The following SCNN1G variants were observed in gnomAD, a reference collection of about 807,000 sequenced individuals.
SCNN1G encodes the protein sodium channel epithelial 1 subunit gamma, also known as epithelial sodium channel subunit gamma.
Under a neutral mutation model 64.6 loss-of-function variants are expected in SCNN1G, and 27 were observed. That is an observed-to-expected ratio of 0.42 (90% CI 0.31 to 0.58). The LOEUF is 0.58. Among genes scored for constraint, SCNN1G ranks in the 20% least tolerant of loss-of-function variants. SCNN1G has a pLI of 0.18. For synonymous variants in SCNN1G, 330 were observed against 314.2 expected (o/e 1.05, Z -0.53); for missense variants, 743 against 823.4 (o/e 0.90, Z 1.19).
chr16:23,211,804 T>A (rs1162021148), intron 7 of SCNN1G, among the ~76,000 whole-genome samples: 2 of 152,164 alleles, frequency 1.3e-5, no homozygotes, highest in Non-Finnish European at 2.9e-5. Context: ...AGAGCAAGAC[T>A]GTCTCAAAAA....
At chr16:23,204,334 TAGAGAGAGAGAG>T (rs755322105) in intron 6 of SCNN1G, among the ~76,000 whole-genome samples, 1 of 15,176 alleles carries the variant, frequency 6.6e-5, no homozygotes, top group African/African-American at 2.8e-4. Context: ...TATATATATA[TAGAGAGAGAGAG>T]AGAGAGAGAG....
At chr16:23,193,532 C>T (rs1959746298) in intron 4 of SCNN1G, among the ~76,000 whole-genome samples, 1 of 152,098 alleles carries the variant, frequency 6.6e-6, no homozygotes, top group African/African-American at 2.4e-5. Flanking sequence ...ACCTGTAGTC[C>T]CAGCTACTCA....
At chr16:23,199,796 C>T (rs566634649) in intron 6 of SCNN1G, among the ~76,000 whole-genome samples, 41 of 150,918 alleles carry the variant, frequency 2.7e-4, no homozygotes, top group East Asian at 7.9e-4. Context: ...CTCAGCCTCC[C>T]GAGTAGCTGG....
chr16:23,197,554 C>T, intron 6 of SCNN1G, 127 bp downstream of exon 6: 2 of 851,492 alleles, frequency 2.3e-6, no homozygotes, highest in Non-Finnish European at 3.9e-6. Flanking sequence ...CCCAGATTTT[C>T]CCATGGTTAT....
chr16:23,192,889 C>T (rs1027111179), intron 4 of SCNN1G, among the ~76,000 whole-genome samples: 7 of 151,296 alleles, frequency 4.6e-5, no homozygotes, highest in East Asian at 2.0e-4. Context: ...GCTAACATAG[C>T]GAGACCCCGT....
At chr16:23,202,762 T>C (rs550702513) in intron 6 of SCNN1G, among the ~76,000 whole-genome samples, 2 of 152,216 alleles carry the variant, frequency 1.3e-5, no homozygotes, top group African/African-American at 4.8e-5. Context: ...CGGGGGAAGT[T>C]AGATTGATAT....
intron 6 of SCNN1G, among the ~76,000 whole-genome samples, chr16:23,206,069 C>A (rs1233131189): frequency 6.6e-6 from 1 of 152,200 alleles, no homozygotes; most frequent in Non-Finnish European, 1.5e-5. Context: ...CCTGGGAAAC[C>A]AGCCTGCTTA....
chr16:23,194,972 G>A (rs1959773196), intron 5 of SCNN1G: 2 of 152,604 alleles, frequency 1.3e-5, no homozygotes, highest in African/African-American at 2.4e-5. Context: ...CTCTCTTTGG[G>A]TTGCAGAAGG....
intron 4 of SCNN1G, among the ~76,000 whole-genome samples, chr16:23,192,897 C>T (rs552616810): frequency 4.0e-5 from 6 of 151,622 alleles, no homozygotes; most frequent in Admixed American, 6.6e-5. Context: ...AGCGAGACCC[C>T]GTCTCTACTA....
chr16:23,215,647 C>G lies in SCNN1G; in HGVS notation c.*178C>G. On this transcript the variant is annotated 3_prime_UTR_variant, in exon 13 of 13. Coordinates refer to ENST00000300061, the MANE Select transcript of SCNN1G (RefSeq NM_001039.4). ...GGGGCCTGGGCATGCGCAGGAGGAG[C>G]CATCGGGTACTACGCAGCAACACTC... The G allele has an allele frequency of 1.5e-6, 1 of 678,158 alleles. No individual in the cohort carries two copies. Among genetic ancestry groups the G allele is most frequent in the South Asian group, 1.7e-5 (1 of 57,236 alleles). 42.0% of individuals were successfully genotyped at this position (678,158 alleles called of 1,614,324 possible).
chr16:23,214,918 T>C, intron 12 of SCNN1G, 131 bp downstream of exon 12: 1 of 1,086,856 alleles, frequency 9.2e-7, no homozygotes, highest in Non-Finnish European at 1.4e-6. Context: ...GCTAGCCAGG[T>C]CTCAGGTCGG....
At chr16:23,203,969 T>G (rs1959935256) in intron 6 of SCNN1G, among the ~76,000 whole-genome samples, 1 of 151,538 alleles carries the variant, frequency 6.6e-6, no homozygotes, top group Admixed American at 6.6e-5. Context: ...GTTTGGCATA[T>G]AGTCAGTGCT....
intron 1 of SCNN1G, among the ~76,000 whole-genome samples, chr16:23,183,810 CTGT>C (rs1327376846): frequency 1.3e-5 from 2 of 152,148 alleles, no homozygotes; most frequent in Non-Finnish European, 1.5e-5. Context: ...TTCCCTGCTG[CTGT>C]TATTATTATT....
intron 6 of SCNN1G, among the ~76,000 whole-genome samples, chr16:23,198,615 G>A (rs1311199764): frequency 6.6e-6 from 1 of 151,092 alleles, no homozygotes; most frequent in Non-Finnish European, 1.5e-5. Flanking sequence ...GCACAGGCCT[G>A]TAGTCCCAGC....
intron 11 of SCNN1G, among the ~76,000 whole-genome samples, chr16:23,214,012 T>A (rs937057261): frequency 6.6e-6 from 1 of 152,178 alleles, no homozygotes; most frequent in Non-Finnish European, 1.5e-5. Context: ...AACAGCTGAG[T>A]AATACTTGCT....
intron 4 of SCNN1G, 149 bp from the exon 5 acceptor site, chr16:23,194,022 T>TC (rs1959754518): frequency 1.4e-6 from 1 of 692,206 alleles, no homozygotes; most frequent in Admixed American, 2.1e-5. Flanking sequence ...GCCTTGTTTG[T>TC]CATTTGATCA....
intron 1 of SCNN1G, 53 bp from the exon 2 acceptor site, chr16:23,186,175 A>G (rs1024174308): frequency 8.5e-7 from 1 of 1,170,870 alleles, no homozygotes; most frequent in African/African-American, 1.5e-5. Flanking sequence ...CCAGGGACAC[A>G]CTAGCCGGCT....
chr16:23,203,451 G>A (rs1000917167), intron 6 of SCNN1G, among the ~76,000 whole-genome samples: 1 of 152,100 alleles, frequency 6.6e-6, no homozygotes, highest in Non-Finnish European at 1.5e-5. Context: ...TATTTCACAA[G>A]TTCAGTCTAT....
chr16:23,214,847 T>A (rs1960134427), intron 12 of SCNN1G, 60 bp downstream of exon 12: 1 of 1,425,916 alleles, frequency 7.0e-7, no homozygotes. Flanking sequence ...AGCATCTTCC[T>A]GGCCTTGGGG....
Sources: allele counts gnomAD v4.1 joint callset (sites outside exome capture counted in the v4.1 genomes callset), GRCh38; gene constraint gnomAD v4.1.1; transcripts MANE v1.5; gene names NCBI Gene and HGNC (gene_info 2026-07-23, HGNC 2026-07-21).